Variants in PAPPA2 observed in about 807,000 individuals in gnomAD.
PAPPA2 encodes pappalysin 2.
In PAPPA2, 86 loss-of-function variants were observed where a neutral mutation model predicts 176.4. The ratio of observed to expected loss-of-function variants is 0.49; its 90% CI spans 0.41 to 0.58. PAPPA2 has a LOEUF of 0.58. Among genes scored for constraint, PAPPA2 ranks in the 20% least tolerant of loss-of-function variants. The pLI is 0.00. For missense variants in PAPPA2, 2,073 were observed against 2,256.9 expected, an observed-to-expected ratio of 0.92 and a Z score of 1.65; for synonymous variants, 809 against 852.2, an observed-to-expected ratio of 0.95 and a Z score of 0.88.
intron 1 of PAPPA2, among the ~76,000 whole-genome samples, chr1:176,498,764 AAAG>A (rs1307712708): frequency 6.6e-6 from 1 of 151,862 alleles, no homozygotes; most frequent in African/African-American, 2.4e-5. Flanking sequence ...AAAAAAAAAA[AAAG>A]AAGAAGAAAT....
At chr1:176,619,866 T>C (rs183008435) in intron 3 of PAPPA2, among the ~76,000 whole-genome samples, 2 of 118,768 alleles carry the variant, frequency 1.7e-5, no homozygotes, top group Admixed American at 9.5e-5. Context: ...AGTAACTCAG[T>C]AAACTCATAA....
chr1:176,707,356 A>G (rs944568805), intron 10 of PAPPA2, among the ~76,000 whole-genome samples: 1 of 152,122 alleles, frequency 6.6e-6, no homozygotes, highest in Admixed American at 6.5e-5. Context: ...TCCTCTCTCC[A>G]TAAATTCATC....
intron 14 of PAPPA2, among the ~76,000 whole-genome samples, chr1:176,761,965 G>A (rs1405050205): frequency 6.6e-6 from 1 of 152,182 alleles, no homozygotes; most frequent in Non-Finnish European, 1.5e-5. Flanking sequence ...AGGTAGAAAG[G>A]AGAATGTACC....
intron 3 of PAPPA2, among the ~76,000 whole-genome samples, chr1:176,623,758 C>CTTTCTTTCTTTCTTTCTTT (rs1553376002): frequency 2.0e-4 from 12 of 59,060 alleles, no homozygotes; most frequent in South Asian, 8.9e-4. Flanking sequence ...TTCCTTCCTT[C>CTTTCTTTCTTTCTTTCTTT]CTTTCTTTCT....
intron 12 of PAPPA2, among the ~76,000 whole-genome samples, chr1:176,736,541 T>A (rs1039440340): frequency 1.4e-5 from 2 of 147,068 alleles, no homozygotes; most frequent in Non-Finnish European, 3.0e-5. Context: ...TATTTTTAAA[T>A]ATATATCTTA....
At chr1:176,516,005 T>C (rs1170382017) in intron 1 of PAPPA2, among the ~76,000 whole-genome samples, 1 of 152,196 alleles carries the variant, frequency 6.6e-6, no homozygotes, top group Non-Finnish European at 1.5e-5. Flanking sequence ...TGGAGTAAAC[T>C]TGGCCAAAGT....
chr1:176,616,380 C>T (rs1486184938), intron 3 of PAPPA2: 8 of 585,818 alleles, frequency 1.4e-5, no homozygotes, highest in Admixed American at 4.2e-5. Context: ...AGCTCCACTC[C>T]GCTTTTGTCC....
rs370191809 is a variant in PAPPA2, at chr1:176,699,269, C to A, written c.2916C>A (p.Ser972=). ...ACACCCTCACCCTGTGGGTCACTTC[C>A]TTCTTCATGGAGTCCTCGCAGGTCC... ...QADTLTLWVT[S]FFMESSQVLF... is the part of the protein sequence containing the mutation. Residue 972 remains serine (S), a synonymous_variant, in exon 8 of 23, where the codon TCC becomes TCA. Transcript: ENST00000367662. The A allele has an allele frequency of 6.2e-7, 1 of 1,614,174 alleles. No homozygotes were observed.
intron 9 of PAPPA2, among the ~76,000 whole-genome samples, chr1:176,703,513 G>A (rs935318324): frequency 5.3e-5 from 8 of 152,138 alleles, no homozygotes; most frequent in Non-Finnish European, 8.8e-5. Context: ...GGATGAGGAG[G>A]CTGGAAGCCA....
chr1:176,713,356 A>G (rs1661228195), intron 12 of PAPPA2, among the ~76,000 whole-genome samples: 1 of 152,090 alleles, frequency 6.6e-6, no homozygotes. Context: ...GAGTCTAGAA[A>G]AGGCACCAAC....
At chr1:176,831,970 G>C (rs1194574040) in intron 21 of PAPPA2, among the ~76,000 whole-genome samples, 1 of 152,154 alleles carries the variant, frequency 6.6e-6, no homozygotes, top group Non-Finnish European at 1.5e-5. Flanking sequence ...TGCATTGGTG[G>C]TAAAAGTGAA....
chr1:176,583,004 T>A (rs1214778034), intron 2 of PAPPA2, among the ~76,000 whole-genome samples: 1 of 152,190 alleles, frequency 6.6e-6, no homozygotes, highest in Non-Finnish European at 1.5e-5. Flanking sequence ...CAGGAATTTA[T>A]CCATTTCTTC....
intron 4 of PAPPA2, among the ~76,000 whole-genome samples, chr1:176,673,512 T>C (rs1400291333): frequency 6.6e-6 from 1 of 152,136 alleles, no homozygotes; most frequent in African/African-American, 2.4e-5. Context: ...GTGGCTTCCA[T>C]GAGGCCCAGG....
At chr1:176,622,648 G>A (rs1458761366) in intron 3 of PAPPA2, among the ~76,000 whole-genome samples, 1 of 152,126 alleles carries the variant, frequency 6.6e-6, no homozygotes, top group Non-Finnish European at 1.5e-5. Flanking sequence ...TCTTTCTGAG[G>A]TTAAGGTGTT....
intron 3 of PAPPA2, among the ~76,000 whole-genome samples, chr1:176,635,012 T>C (rs536954436): frequency 1.3e-5 from 2 of 150,068 alleles, no homozygotes; most frequent in South Asian, 4.2e-4. Flanking sequence ...GATAGATAGA[T>C]AGATGCACAG....
intron 1 of PAPPA2, among the ~76,000 whole-genome samples, chr1:176,494,857 T>C (rs1223545860): frequency 6.6e-6 from 1 of 152,194 alleles, no homozygotes; most frequent in African/African-American, 2.4e-5. Context: ...TGGGGAACCA[T>C]CTAACTGTAA....
intron 3 of PAPPA2, among the ~76,000 whole-genome samples, chr1:176,659,234 T>C (rs1400718472): frequency 6.6e-6 from 1 of 151,972 alleles, no homozygotes; most frequent in Admixed American, 6.6e-5. Flanking sequence ...CACAGTAATA[T>C]ATTGTCTCAC....
intron 2 of PAPPA2, among the ~76,000 whole-genome samples, chr1:176,585,306 C>T (rs752600284): frequency 1.1e-4 from 16 of 151,610 alleles, no homozygotes; most frequent in Non-Finnish European, 1.8e-4. Context: ...TTTAGTACTT[C>T]GAATATTTCA....
At chr1:176,609,230 C>A (rs1237047131) in intron 3 of PAPPA2, among the ~76,000 whole-genome samples, 1 of 152,206 alleles carries the variant, frequency 6.6e-6, no homozygotes, top group Non-Finnish European at 1.5e-5. Flanking sequence ...TAATTATTTG[C>A]TCATTCATAT....
Sources: allele counts gnomAD v4.1 joint callset (sites outside exome capture counted in the v4.1 genomes callset), GRCh38; gene constraint gnomAD v4.1.1; transcripts MANE v1.5; gene names NCBI Gene and HGNC (gene_info 2026-07-23, HGNC 2026-07-21).